The following PCDHA3 variants were observed in gnomAD, a reference collection of about 807,000 sequenced individuals.
PCDHA3 encodes protocadherin alpha-3.
PCDHA3 carries 41 observed loss-of-function variants against 62.2 expected under a neutral mutation model. The observed-to-expected ratio is 0.66, with a 90% confidence interval of 0.51 to 0.86. The LOEUF is 0.86. PCDHA3 is among the 40% of genes least tolerant of loss of function. The probability of loss-of-function intolerance (pLI) is 0.00; values close to 1 mark genes in which losing one functional copy is unlikely to be tolerated. For synonymous variants in PCDHA3, 640 were observed against 555.4 expected (o/e 1.15, Z -2.14); for missense variants, 1,304 against 1,241.2 (o/e 1.05, Z -0.76).
intron 1 of PCDHA3, among the ~76,000 whole-genome samples, chr5:140,879,279 A>G (rs2057928398): frequency 2.0e-5 from 3 of 152,250 alleles, no homozygotes; most frequent in East Asian, 3.8e-4. Flanking sequence ...CAGACTCAAT[A>G]CAAATGATAA....
At chr5:140,888,558 C>G (rs782768307) in intron 1 of PCDHA3, among the ~76,000 whole-genome samples, 1 of 152,188 alleles carries the variant, frequency 6.6e-6, no homozygotes, top group Non-Finnish European at 1.5e-5. Flanking sequence ...TTATTCCTTT[C>G]AAGGCTTCAT....
chr5:140,808,714 G>C (rs782290145), intron 1 of PCDHA3: 13 of 1,611,982 alleles, frequency 8.1e-6, no homozygotes, highest in Admixed American at 5.0e-5. Flanking sequence ...GCTACGTTTC[G>C]GTGCATGCGG....
At chr5:140,856,648 T>C in intron 1 of PCDHA3, 1 of 1,598,290 alleles carries the variant, frequency 6.3e-7, no homozygotes, top group Non-Finnish European at 8.6e-7. Context: ...AGCTGCTGGA[T>C]CGTGAAGAAA....
chr5:140,995,047 C>G (rs1174630120), intron 3 of PCDHA3, among the ~76,000 whole-genome samples: 2 of 152,158 alleles, frequency 1.3e-5, no homozygotes, highest in Admixed American at 1.3e-4. Context: ...CTTAACTCTA[C>G]TGAATTTTCA....
At chr5:140,877,269 T>A in intron 1 of PCDHA3, 1 of 1,613,758 alleles carries the variant, frequency 6.2e-7, no homozygotes. Flanking sequence ...CGGTGGACGC[T>A]GACTCCGGCT....
At chr5:140,919,525 T>G (rs2079174631) in intron 1 of PCDHA3, among the ~76,000 whole-genome samples, 1 of 152,196 alleles carries the variant, frequency 6.6e-6, no homozygotes, top group Non-Finnish European at 1.5e-5. Context: ...TAATTCTCTT[T>G]TTTTCCTATA....
intron 1 of PCDHA3, among the ~76,000 whole-genome samples, chr5:140,905,145 T>C (rs1264141592): frequency 1.3e-5 from 2 of 152,252 alleles, no homozygotes; most frequent in African/African-American, 4.8e-5. Context: ...TCTGCTGTTA[T>C]ATTTTAGAAT....
intron 1 of PCDHA3, chr5:140,858,192 T>A: frequency 6.3e-7 from 1 of 1,597,272 alleles, no homozygotes; most frequent in Non-Finnish European, 8.6e-7. Context: ...ACGCTGCTGC[T>A]GTACACTGCA....
chr5:140,878,079 T>C (rs1453461494), intron 1 of PCDHA3: 1 of 346,026 alleles, frequency 2.9e-6, no homozygotes, highest in Non-Finnish European at 4.9e-6. Context: ...TTTTCTATAA[T>C]ATTTTATATG....
chr5:140,803,906 C>G, intron 1 of PCDHA3: 1 of 512,534 alleles, frequency 2.0e-6, no homozygotes, highest in Non-Finnish European at 3.4e-6. Context: ...TTTAGAGAAT[C>G]TGACTTCGAC....
In PCDHA3 at chr5:140,802,356, T is replaced by A; in HGVS notation, c.1159T>A (p.Cys387Ser). The A allele has an allele frequency of 7.4e-6, 12 of 1,614,264 alleles. No homozygotes were observed. The highest frequency in any genetic ancestry group is 1.0e-5 in the Non-Finnish European group (12 of 1,180,052). Residue 387 changes from cysteine to serine, a missense_variant, in exon 1 of 4, where the codon TGC becomes AGC. Physicochemically the swap from Cys to Ser is moderately radical, Grantham distance 112. Transcript: ENST00000522353. Reference sequence around the variant, plus strand: ...CTCAGGAGTCAATGGACAGGTCACCTGCTCGCTGACGCCCCACGTCCCCTT... The same window carrying A: ...CTCAGGAGTCAATGGACAGGTCACCAGCTCGCTGACGCCCCACGTCCCCTT... The part of the protein sequence containing the change: ...RDSGVNGQVT[C>S]SLTPHVPFKL...
At chr5:140,875,078 G>A (rs1554167473) in intron 1 of PCDHA3, among the ~76,000 whole-genome samples, 1 of 152,164 alleles carries the variant, frequency 6.6e-6, no homozygotes, top group Non-Finnish European at 1.5e-5. Flanking sequence ...AAGCTACAGC[G>A]TAATAAAATT....
intron 1 of PCDHA3, among the ~76,000 whole-genome samples, chr5:140,925,455 T>C (rs1367623051): frequency 6.6e-6 from 1 of 152,106 alleles, no homozygotes; most frequent in Non-Finnish European, 1.5e-5. Flanking sequence ...GGTGTATCTG[T>C]TGTGGCTCAG....
At chr5:140,889,159 A>G (rs1392016642) in intron 1 of PCDHA3, among the ~76,000 whole-genome samples, 1 of 151,652 alleles carries the variant, frequency 6.6e-6, no homozygotes, top group Non-Finnish European at 1.5e-5. Context: ...CTTCTTTGTT[A>G]AGTATTCAAG....
intron 1 of PCDHA3, chr5:140,828,856 A>G (rs2150159802): frequency 6.2e-7 from 1 of 1,614,138 alleles, no homozygotes; most frequent in Non-Finnish European, 8.5e-7. Flanking sequence ...TCGAAAATGC[A>G]GACAACGGAA....
At position 140,828,476 on chromosome 5, in the gene PCDHA3, A is replaced by T. The variant is rs2150155737; in HGVS notation, c.2394+24885A>T. 1.4e-5 allele frequency: 22 copies of T among 1,614,168 alleles called. No homozygotes were observed. The South Asian group carries it at 2.4e-4, about 18-fold the overall frequency. On this transcript the variant is annotated intron_variant, in intron 1 of 3. Coordinates refer to ENST00000522353, the MANE Select transcript of PCDHA3 (RefSeq NM_018906.3). ...CGTGGAGGTGAGGGACATTAACGAC[A>T]ACCCGCCCTTGTTCCCGGTAGAGGA...
At chr5:140,854,198 C>T (rs1554147125) in intron 1 of PCDHA3, 1 of 547,806 alleles carries the variant, frequency 1.8e-6, no homozygotes, top group East Asian at 1.4e-4. Flanking sequence ...CTACTCCCTA[C>T]TTTTTATTCA....
intron 3 of PCDHA3, among the ~76,000 whole-genome samples, chr5:141,003,100 T>TTCACAATC (rs1311391173): frequency 6.6e-6 from 1 of 152,240 alleles, no homozygotes; most frequent in African/African-American, 2.4e-5. Flanking sequence ...TGGCATTTGC[T>TTCACAATC]TCACAATCTT....
chr5:140,843,302 G>A, intron 1 of PCDHA3: 1 of 1,595,928 alleles, frequency 6.3e-7, no homozygotes, highest in Non-Finnish European at 8.6e-7. Flanking sequence ...TGCGCTGACC[G>A]CCACGGCCAC....
Sources: gnomAD v4.1 joint callset for allele counts (sites outside exome capture counted in the v4.1 genomes callset) on GRCh38, gnomAD v4.1.1 for gene constraint, MANE v1.5 for transcripts, NCBI Gene and HGNC (gene_info 2026-07-23, HGNC 2026-07-21) for gene names.